Variants in ABLIM3 observed in about 807,000 individuals in gnomAD.
ABLIM3 encodes the protein actin-binding LIM protein 3.
ABLIM3 carries 61 observed loss-of-function variants against 109.5 expected under a neutral mutation model. The observed-to-expected ratio is 0.56, with a 90% confidence interval of 0.45 to 0.69. ABLIM3 has a LOEUF of 0.69. Ranked by LOEUF, ABLIM3 falls within the 30% of genes least tolerant of loss-of-function variation. ABLIM3 has a pLI of 0.00. For missense variants in ABLIM3, 796 were observed against 889.5 expected (o/e 0.89, Z 1.34); for synonymous variants, 300 against 324.8 (o/e 0.92, Z 0.82).
Position 149,200,381 on chromosome 5 carries a change from C to T in ABLIM3, c.401C>T (p.Ser134Phe), listed in dbSNP as rs761953405. The change falls in exon 5 of 24, where the codon TCC becomes TTC. Residue 134 changes from serine to phenylalanine, a missense_variant. Coordinates refer to ENST00000309868, the MANE Select transcript of ABLIM3 (RefSeq NM_014945.5). ...SGKECVCQTCSQSMASSKPIK... is the reference protein window; with the variant it reads ...SGKECVCQTCFQSMASSKPIK... ...AAAGAATGTGTGTGCCAAACGTGCT[C>T]CCAGTCCATGGCCAGCAGTAAGCCC... 6.8e-6 allele frequency: 11 copies of T among 1,614,216 alleles called. No individual in the cohort carries two copies. The highest frequency in any genetic ancestry group is 9.3e-6 in the Non-Finnish European group (11 of 1,180,042).
intron 3 of ABLIM3, among the ~76,000 whole-genome samples, chr5:149,195,367 A>G (rs1757862496): frequency 6.6e-6 from 1 of 152,212 alleles, no homozygotes. Context: ...TTAACGTTCA[A>G]TATTGCGTTT....
chr5:149,252,249 T>C, intron 22 of ABLIM3, 41 bp downstream of exon 22: 1 of 1,608,274 alleles, frequency 6.2e-7, no homozygotes, highest in Non-Finnish European at 8.5e-7. Flanking sequence ...CCAGGATTCT[T>C]GGAGCCGCTA....
intron 8 of ABLIM3, among the ~76,000 whole-genome samples, chr5:149,225,229 ACAACCCC>A (rs371768201): frequency 2.4e-5 from 2 of 82,056 alleles, no homozygotes; most frequent in East Asian, 1.7e-3. Flanking sequence ...ACAATGTTGT[ACAACCCC>A]CACCTCTATC....
chr5:149,200,818 G>A (rs145894381), intron 5 of ABLIM3, among the ~76,000 whole-genome samples: 2 of 152,322 alleles, frequency 1.3e-5, no homozygotes, highest in Non-Finnish European at 2.9e-5. Context: ...TACAGAAGAG[G>A]TAGTATGGGG....
chr5:149,154,236 C>T (rs1753685157), intron 2 of ABLIM3, among the ~76,000 whole-genome samples: 1 of 152,204 alleles, frequency 6.6e-6, no homozygotes, highest in Non-Finnish European at 1.5e-5. Flanking sequence ...CCCAGGGATC[C>T]CAGCCCTGCC....
At chr5:149,199,344 T>G (rs1758284703) in intron 4 of ABLIM3, among the ~76,000 whole-genome samples, 1 of 152,228 alleles carries the variant, frequency 6.6e-6, no homozygotes, top group Non-Finnish European at 1.5e-5. Flanking sequence ...CCAGTTAGAA[T>G]AACTAGTTAG....
intron 3 of ABLIM3, among the ~76,000 whole-genome samples, chr5:149,187,786 C>T (rs962159719): frequency 2.6e-5 from 4 of 152,182 alleles, no homozygotes; most frequent in Non-Finnish European, 5.9e-5. Flanking sequence ...TACCTGCTAC[C>T]TGCTCTGCCC....
intron 2 of ABLIM3, among the ~76,000 whole-genome samples, chr5:149,182,330 T>C (rs1456340814): frequency 1.3e-5 from 2 of 152,236 alleles, no homozygotes; most frequent in African/African-American, 4.8e-5. Context: ...TAATAAGGTA[T>C]GAGCAGAAGT....
Position 149,239,761 on chromosome 5 carries a change from C to T in ABLIM3, c.1077C>T (p.Asp359=). ...CACAGCCCCATTTCCTCTCCCAGGACATCTACGAGAACCTGGACCTCCGGC... is the reference window on the plus strand; with the variant it reads ...CACAGCCCCATTTCCTCTCCCAGGATATCTACGAGAACCTGGACCTCCGGC... ...SLGTLSPYSQ[D]IYENLDLRQR... The change falls in exon 13 of 24, where the codon GAC becomes GAT. Residue 359 remains aspartate, a splice_region_variant and synonymous_variant. Transcript: ENST00000309868. 2 of 1,602,270 alleles carry T rather than the reference C, an allele frequency of 1.2e-6. No individual in the cohort carries two copies. Among genetic ancestry groups the T allele is most frequent in the South Asian group, 1.1e-5 (1 of 89,406 alleles).
In ABLIM3 at chr5:149,259,658, G is replaced by T; in HGVS notation, c.*1254G>T. On this transcript the variant is annotated 3_prime_UTR_variant, in exon 24 of 24. Transcript: ENST00000309868. ...GGCTTCCCTTCCTGCTCGCCTCCCT[G>T]AACAGGGGAGAAAGCTTAACCTCTC... 1 of 1,418,594 alleles carries T rather than the reference G, an allele frequency of 7.0e-7. No individual in the cohort carries two copies. The highest frequency in any genetic ancestry group is 9.6e-7 in the Non-Finnish European group (1 of 1,039,964). 87.9% of individuals were successfully genotyped at this position (1,418,594 alleles called of 1,614,324 possible).
intron 7 of ABLIM3, among the ~76,000 whole-genome samples, chr5:149,214,962 T>G (rs1759911635): frequency 6.6e-6 from 1 of 152,226 alleles, no homozygotes; most frequent in East Asian, 1.9e-4. Context: ...AGTTCGTTAA[T>G]AGACAAAATG....
At chr5:149,245,044 G>A in intron 16 of ABLIM3, 29 bp downstream of exon 16, 1 of 1,613,996 alleles carries the variant, frequency 6.2e-7, no homozygotes, top group Non-Finnish European at 8.5e-7. Flanking sequence ...CCTGGGTCCA[G>A]GGCCCTAACA....
chr5:149,231,152 A>G (rs888175713), intron 9 of ABLIM3, among the ~76,000 whole-genome samples: 2 of 152,224 alleles, frequency 1.3e-5, no homozygotes. Flanking sequence ...ATGGGCAAGA[A>G]ATTCTATCTT....
intron 2 of ABLIM3, among the ~76,000 whole-genome samples, chr5:149,179,211 A>G (rs1391144955): frequency 3.3e-5 from 5 of 152,230 alleles, no homozygotes; most frequent in Non-Finnish European, 7.3e-5. Context: ...GCACTTTTTC[A>G]TAGAACTCTA....
intron 10 of ABLIM3, 112 bp downstream of exon 10, chr5:149,233,412 C>T (rs1440354427): frequency 9.4e-7 from 1 of 1,063,926 alleles, no homozygotes; most frequent in East Asian, 2.4e-5. Flanking sequence ...ACATTTGATG[C>T]ATGCTCTTCA....
intron 8 of ABLIM3, among the ~76,000 whole-genome samples, chr5:149,228,517 G>T (rs2127542602): frequency 1.3e-5 from 2 of 152,304 alleles, no homozygotes; most frequent in East Asian, 3.9e-4. Context: ...GTCCACTGAA[G>T]AGAATAACCA....
intron 14 of ABLIM3, among the ~76,000 whole-genome samples, chr5:149,241,307 A>G (rs79825747): frequency 0.026 from 3,919 of 152,332 alleles, 165 homozygotes; most frequent in African/African-American, 0.088. Context: ...GAAGAGAGAT[A>G]AAAATGAGTA....
At chr5:149,186,614 C>T (rs1006919129) in intron 3 of ABLIM3, among the ~76,000 whole-genome samples, 1 of 152,066 alleles carries the variant, frequency 6.6e-6, no homozygotes, top group Non-Finnish European at 1.5e-5. Context: ...GCAAATGATA[C>T]TCCTCTTTGG....
intron 23 of ABLIM3, among the ~76,000 whole-genome samples, chr5:149,254,180 G>A (rs1357073875): frequency 2.0e-5 from 3 of 152,090 alleles, no homozygotes; most frequent in African/African-American, 4.8e-5. Flanking sequence ...ACACAGCCAA[G>A]ACATATCAAT....
Sources: gnomAD v4.1 joint callset for allele counts (sites outside exome capture counted in the v4.1 genomes callset) on GRCh38, gnomAD v4.1.1 for gene constraint, MANE v1.5 for transcripts, NCBI Gene and HGNC (gene_info 2026-07-23, HGNC 2026-07-21) for gene names.